MYH14: variants seen among roughly 807,000 people sequenced by gnomAD.
The protein encoded by MYH14 is myosin-14.
In MYH14, 123 loss-of-function variants were observed where a neutral mutation model predicts 255.5. The ratio of observed to expected loss-of-function variants is 0.48; its 90% CI spans 0.42 to 0.56. The LOEUF is 0.56. Among genes scored for constraint, MYH14 ranks in the 20% least tolerant of loss-of-function variants. MYH14 has a pLI of 0.00. For missense variants in MYH14, 2,423 were observed against 2,802.3 expected, an observed-to-expected ratio of 0.86 and a Z score of 3.06; for synonymous variants, 1,095 against 1,161.2, an observed-to-expected ratio of 0.94 and a Z score of 1.16.
intron 22 of MYH14, among the ~76,000 whole-genome samples, chr19:50,264,055 CAAAAA>C (rs34015428): frequency 2.1e-4 from 7 of 33,394 alleles, no homozygotes; most frequent in Admixed American, 5.2e-4. Context: ...AACTCTGTCT[CAAAAA>C]AAAAAAAAAA....
Position 50,252,855 on chromosome 19 carries a change from G to A in MYH14, c.1945+102G>A, listed in dbSNP as rs867126598. 82 of 768,262 alleles carry A rather than the reference G, an allele frequency of 1.1e-4. No individual in the cohort carries two copies. In the African/African-American group the frequency reaches 1.3e-3, roughly 12 times the overall value. The allele number at this position is 768,262 out of a possible 1,614,324, so 47.6% of individuals were successfully genotyped here. A position where few individuals can be genotyped will look rare whatever the true frequency, so the allele number is the denominator to read the frequency against. ...GTTTCAGAGGCGGAGGTCTGAACCT[G>A]AGTTTTCTGCTCAGACCCAGAATAG... On this transcript the variant is annotated intron_variant, in intron 16 of 42. Transcript: ENST00000642316. This position sits in a 1 kb window ranked among gnomAD's most constrained non-coding sequence, Gnocchi z 4.2.
intron 6 of MYH14, 35 bp from the exon 7 acceptor site, chr19:50,225,550 C>T: frequency 6.3e-7 from 1 of 1,580,634 alleles, no homozygotes; most frequent in African/African-American, 1.3e-5. Context: ...GCCCCATTCT[C>T]ACTGACCTCA....
Position 50,276,514 on chromosome 19 carries a change from T to G in MYH14, c.3681-243T>G, listed in dbSNP as rs1210665027. On this transcript the variant is annotated intron_variant, in intron 28 of 42. Coordinates refer to ENST00000642316, the MANE Select transcript of MYH14 (RefSeq NM_001145809.2). The surrounding 1 kb of genome is among the most constrained non-coding windows in gnomAD (Gnocchi z 4.3). The stretch of plus-strand genomic sequence containing the variant: ...AGTGAAGACCCCTAAACCAAGTCTA[T>G]GGGAGATCCAGGAAGACTTTCCTGA... Among the ~76,000 whole-genome samples the G allele has an allele frequency of 2.0e-5, 3 of 152,046 alleles. No individual in the cohort carries two copies. The highest frequency in any genetic ancestry group is 7.2e-5 in the African/African-American group (3 of 41,382).
Position 50,230,887 on chromosome 19 carries a change from T to G in MYH14, c.973+264T>G, listed in dbSNP as rs576807545. ...CACGCAGCCCCCGCCGCCTGGTGGC[T>G]CCTGCTCACGCTCGCTTCCGAAGCT... On this transcript the variant is annotated intron_variant, in intron 9 of 42. Coordinates refer to ENST00000642316, the MANE Select transcript of MYH14 (RefSeq NM_001145809.2). The surrounding 1 kb of genome is among the most constrained non-coding windows in gnomAD (Gnocchi z 4.7). The G allele has an allele frequency of 9.8e-5, 47 of 479,026 alleles. No homozygotes were observed. In the South Asian group the frequency reaches 1.2e-3, roughly 12 times the overall value. The allele number at this position is 479,026 out of a possible 1,614,324, so 29.7% of individuals were successfully genotyped here.
chr19:50,308,722 G>A lies in MYH14; in HGVS notation c.5788-283G>A, dbSNP rs187354792. The A allele has an allele frequency of 5.7e-4, 226 of 393,174 alleles. 2 individuals are homozygous for A. The highest frequency in any genetic ancestry group is 4.0e-3 in the African/African-American group (200 of 49,872). 24.4% of individuals were successfully genotyped at this position (393,174 alleles called of 1,614,324 possible). The stretch of plus-strand genomic sequence containing the variant: ...TGGAACCTTGTCCCGGGGGTACTGG[G>A]GAGCCATGAAAGGATTGTGAGCAGG... On this transcript the variant is annotated intron_variant, in intron 41 of 42. Coordinates refer to ENST00000642316, the MANE Select transcript of MYH14 (RefSeq NM_001145809.2).
chr19:50,249,521 G>A, intron 13 of MYH14, 129 bp from the exon 14 acceptor site: 2 of 816,696 alleles, frequency 2.4e-6, no homozygotes, highest in Non-Finnish European at 1.7e-6. Context: ...CTGGGTCTCT[G>A]TCCCCCTCTC....
intron 2 of MYH14, among the ~76,000 whole-genome samples, chr19:50,214,502 C>T (rs1361012165): frequency 6.6e-6 from 1 of 152,118 alleles, no homozygotes; most frequent in Non-Finnish European, 1.5e-5. Context: ...CTTCGTAGAA[C>T]ACCCCGCTCT....
At chr19:50,305,227 A>G (rs1349727100) in intron 40 of MYH14, among the ~76,000 whole-genome samples, 2 of 151,858 alleles carry the variant, frequency 1.3e-5, no homozygotes, top group African/African-American at 2.4e-5. Flanking sequence ...GGAGTCTGGA[A>G]TGATGGTCCA....
chr19:50,224,721 T>TG (rs777941002), intron 6 of MYH14: 71 of 444,684 alleles, frequency 1.6e-4, no homozygotes, highest in Non-Finnish European at 2.8e-4. Context: ...AGTAGCCTGG[T>TG]GGGGCTAGGA....
chr19:50,241,405 A>AGTG (rs1194562496), intron 10 of MYH14, among the ~76,000 whole-genome samples: 32 of 152,140 alleles, frequency 2.1e-4, no homozygotes, highest in African/African-American at 7.2e-4. Context: ...ACTGCACTCC[A>AGTG]GCCTGATGAC....
chr19:50,244,054 C>T (rs2033995834), intron 10 of MYH14, among the ~76,000 whole-genome samples, 188 bp from the exon 11 acceptor site: 1 of 151,936 alleles, frequency 6.6e-6, no homozygotes, highest in African/African-American at 2.4e-5. Flanking sequence ...AGTGATCCTC[C>T]CGCCTCGGCC....
intron 26 of MYH14, 24 bp from the exon 27 acceptor site, chr19:50,272,536 C>T (rs1258352231): frequency 6.4e-7 from 1 of 1,555,086 alleles, no homozygotes; most frequent in Non-Finnish European, 8.7e-7. Flanking sequence ...AGTCCTCATG[C>T]ACGGCCCCCA....
chr19:50,299,403 C>G (rs1205467598), intron 39 of MYH14, among the ~76,000 whole-genome samples: 1 of 150,862 alleles, frequency 6.6e-6, no homozygotes, highest in Non-Finnish European at 1.5e-5. Flanking sequence ...AATCCCATCT[C>G]TACAAAAAAA....
chr19:50,278,125 G>T lies in MYH14; in HGVS notation c.3868G>T (p.Glu1290Ter). 1 of 1,601,272 alleles carries T rather than the reference G, an allele frequency of 6.2e-7. No homozygotes were observed. Among genetic ancestry groups the T allele is most frequent in the Non-Finnish European group, 8.5e-7 (1 of 1,170,172 alleles). ...WEKTRLALEA[E>*]VSELRAELSS... Reference sequence around the variant, plus strand: ...GAAGACCCGGCTGGCCCTGGAGGCCGAGGTGTCCGAGCTGCGGGCAGAACT... The same window carrying T: ...GAAGACCCGGCTGGCCCTGGAGGCCTAGGTGTCCGAGCTGCGGGCAGAACT... Residue 1290 changes from glutamate (E) to a stop codon, truncating the protein, a stop_gained, in exon 30 of 43, where the codon GAG (glutamate) becomes TAG (stop). Transcript: ENST00000642316. LOFTEE classifies it high-confidence loss of function.
At chr19:50,289,962 A>G (rs1324497970) in intron 35 of MYH14, among the ~76,000 whole-genome samples, 1 of 151,876 alleles carries the variant, frequency 6.6e-6, no homozygotes, top group Admixed American at 6.6e-5. Context: ...ATTAACCCAC[A>G]CACATATCCT....
rs2034639118 is a variant in MYH14, at chr19:50,257,546, C to G, written c.2232+60C>G. 3 of 1,487,834 alleles carry G rather than the reference C, an allele frequency of 2.0e-6. No homozygotes were observed. In the African/African-American group the frequency reaches 4.2e-5, roughly 21 times the overall value. 92.2% of individuals were successfully genotyped at this position (1,487,834 alleles called of 1,614,324 possible). ...GTGGCTGTGGGTTAAGGTTTGGCCT[C>G]TGGACTTGGCTGGAGCCACATCTGA... On this transcript the variant is annotated intron_variant, in intron 18 of 42. Coordinates refer to ENST00000642316, the MANE Select transcript of MYH14 (RefSeq NM_001145809.2).
intron 18 of MYH14, chr19:50,258,870 GC>G: frequency 2.8e-6 from 1 of 362,652 alleles, no homozygotes. Flanking sequence ...ATCCCTCCCT[GC>G]GGATCTTTTC....
chr19:50,215,440 G>A (rs537081895), intron 2 of MYH14, among the ~76,000 whole-genome samples: 1 of 152,166 alleles, frequency 6.6e-6, no homozygotes, highest in African/African-American at 2.4e-5. Context: ...CCCTCCCACC[G>A]TTAGAAGGTT....
At chr19:50,224,268 G>T (rs2032992899) in intron 6 of MYH14, 91 bp downstream of exon 6, 1 of 1,564,528 alleles carries the variant, frequency 6.4e-7, no homozygotes. Context: ...AGGGCCCAAG[G>T]CAGCAGTGGT....
Sources: gnomAD v4.1 joint callset for allele counts (sites outside exome capture counted in the v4.1 genomes callset) on GRCh38, gnomAD v4.1.1 for gene constraint, Gnocchi (gnomAD v3.1) non-coding constraint, MANE v1.5 for transcripts, NCBI Gene and HGNC (gene_info 2026-07-23, HGNC 2026-07-21) for gene names.